The following TMEM260 variants were observed in gnomAD, a reference collection of about 807,000 sequenced individuals.
TMEM260 encodes protein O-mannosyl-transferase TMEM260.
A neutral mutation model predicts 88.9 loss-of-function variants in TMEM260; 82 were observed. The ratio of observed to expected loss-of-function variants is 0.92; its 90% CI spans 0.77 to 1.11. The LOEUF is 1.11. Among genes scored for constraint, TMEM260 ranks in the 50% least tolerant of loss-of-function variants. The pLI, the probability that TMEM260 is intolerant of heterozygous loss-of-function variation, is 0.00. For missense variants in TMEM260, 902 were observed against 853.4 expected (o/e 1.06, Z -0.71); for synonymous variants, 314 against 309.3 (o/e 1.02, Z -0.16).
chr14:56,650,719 AC>A (rs1890190245), downstream of TMEM260: 1 of 151,972 alleles, frequency 6.6e-6, no homozygotes, highest in Non-Finnish European at 1.5e-5. Flanking sequence ...TCTGCCGGTA[AC>A]TTTTAAGTCA....
rs151177058 is a variant in TMEM260, at chr14:56,617,184, G to A, written c.943G>A (p.Asp315Asn). 2.9e-5 allele frequency: 45 copies of A among 1,566,308 alleles called. No homozygotes were observed. The highest frequency in any genetic ancestry group is 1.8e-5 in the Non-Finnish European group (21 of 1,153,462). The change falls in exon 9 of 16, where the codon GAC becomes AAC. Residue 315 changes from aspartate (D) to asparagine (N), a missense_variant and splice_region_variant. Physicochemically the swap from Asp to Asn is conservative, Grantham distance 23. Transcript: ENST00000261556. ...VCANICLATK[D>N]RQNPSLVWLF... ...ACATATTTTTATTATTTTTTGTAGG[G>A]ACAGACAGAATCCATCATTAGTATG...
intron 13 of TMEM260, among the ~76,000 whole-genome samples, chr14:56,633,982 A>G (rs1888829545): frequency 1.3e-5 from 2 of 152,276 alleles, no homozygotes; most frequent in Admixed American, 6.5e-5. Context: ...ACATTGTTGT[A>G]TAACAGCCAG....
chr14:56,588,927 T>G (rs1885681821), intron 3 of TMEM260, among the ~76,000 whole-genome samples: 1 of 152,052 alleles, frequency 6.6e-6, no homozygotes, highest in Admixed American at 6.6e-5. Flanking sequence ...AGCATAATAT[T>G]TAAAATGCCC....
intron 14 of TMEM260, among the ~76,000 whole-genome samples, chr14:56,636,028 A>G (rs190483133): frequency 7.2e-4 from 109 of 152,220 alleles, no homozygotes; most frequent in African/African-American, 2.1e-3. Flanking sequence ...GAAATCACAT[A>G]AAAGAAGAAA....
At chr14:56,660,805 C>G in the TMEM260 span, among the ~76,000 whole-genome samples, 1 of 152,198 alleles carries the variant, frequency 6.6e-6, no homozygotes, top group Non-Finnish European at 1.5e-5. Context: ...GCTCTCTCTT[C>G]TCTACCTGTT....
chr14:56,628,616 G>C (rs891125242), intron 12 of TMEM260, among the ~76,000 whole-genome samples: 11 of 151,834 alleles, frequency 7.2e-5, no homozygotes, highest in Non-Finnish European at 1.6e-4. Flanking sequence ...ACTTTTCGCT[G>C]TCTATACAAA....
intron 6 of TMEM260, among the ~76,000 whole-genome samples, chr14:56,611,128 G>A (rs141691420): frequency 3.6e-4 from 54 of 151,830 alleles, no homozygotes; most frequent in Non-Finnish European, 3.7e-4. Flanking sequence ...CACCATGCCC[G>A]GCTAATTTTT....
rs79843062 is a variant in TMEM260, at chr14:56,602,344, T to C, written c.345-1471T>C. Among the ~76,000 whole-genome samples, 426 of 152,226 alleles carry C rather than the reference T, an allele frequency of 2.8e-3. 2 individuals are homozygous for C. The highest frequency in any genetic ancestry group is 4.6e-3 in the Non-Finnish European group (315 of 67,996). Reference sequence around the variant, plus strand: ...TAGTGCTAGGCATAGGCATGTCTTATTAGGAAATTTTGATGAGCCTGACTA... The same window carrying C: ...TAGTGCTAGGCATAGGCATGTCTTACTAGGAAATTTTGATGAGCCTGACTA... On this transcript the variant is annotated intron_variant, in intron 3 of 15. Transcript: ENST00000261556.
At chr14:56,620,844 C>T (rs1340748025) in intron 10 of TMEM260, among the ~76,000 whole-genome samples, 1 of 152,042 alleles carries the variant, frequency 6.6e-6, no homozygotes, top group Non-Finnish European at 1.5e-5. Flanking sequence ...TCATAGAATG[C>T]TGTCAGAATT....
intron 15 of TMEM260, among the ~76,000 whole-genome samples, chr14:56,640,909 G>C (rs1889540717): frequency 6.6e-6 from 1 of 152,130 alleles, no homozygotes; most frequent in African/African-American, 2.4e-5. Context: ...GATGGACAAT[G>C]AAATGAATGA....
At chr14:56,662,438 T>G in the TMEM260 span, among the ~76,000 whole-genome samples, 7 of 152,130 alleles carry the variant, frequency 4.6e-5, no homozygotes, top group African/African-American at 1.7e-4. Context: ...GGAAGCTCCC[T>G]AACAAGATGG....
the TMEM260 span, among the ~76,000 whole-genome samples, chr14:56,661,242 C>T: frequency 1.3e-5 from 2 of 152,218 alleles, no homozygotes; most frequent in African/African-American, 4.8e-5. Flanking sequence ...CTCCTAGACT[C>T]TGCCTCTCCT....
chr14:56,593,995 C>T (rs1886051694), intron 3 of TMEM260, among the ~76,000 whole-genome samples: 1 of 152,050 alleles, frequency 6.6e-6, no homozygotes, highest in Admixed American at 6.5e-5. Flanking sequence ...CCGTGAGTGT[C>T]TTTTATAATA....
chr14:56,594,919 T>G (rs1886112374), intron 3 of TMEM260, among the ~76,000 whole-genome samples: 1 of 152,212 alleles, frequency 6.6e-6, no homozygotes, highest in Admixed American at 6.5e-5. Context: ...GAAAAATTTT[T>G]TATAGAGTAT....
the TMEM260 span, among the ~76,000 whole-genome samples, chr14:56,657,990 TC>T: frequency 6.6e-6 from 1 of 152,242 alleles, no homozygotes; most frequent in African/African-American, 2.4e-5. Flanking sequence ...TTCCCACCTC[TC>T]CCACTGCCAC....
At chr14:56,622,550 T>A (rs1432973122) in intron 11 of TMEM260, among the ~76,000 whole-genome samples, 1 of 152,122 alleles carries the variant, frequency 6.6e-6, no homozygotes, top group African/African-American at 2.4e-5. Flanking sequence ...CTTAATGCTG[T>A]GACAAAAATA....
intron 3 of TMEM260, among the ~76,000 whole-genome samples, chr14:56,598,908 T>A (rs372809694): frequency 6.6e-6 from 1 of 152,208 alleles, no homozygotes; most frequent in Non-Finnish European, 1.5e-5. Flanking sequence ...ATTGAAAATC[T>A]TAGGATTTTG....
chr14:56,628,345 AT>A, intron 12 of TMEM260, among the ~76,000 whole-genome samples: 1 of 152,354 alleles, frequency 6.6e-6, no homozygotes, highest in Non-Finnish European at 1.5e-5. Flanking sequence ...CAGTTTGTAA[AT>A]ATTTTCTCGC....
chr14:56,596,411 TATATATATATATATACATACACACAC>T (rs1253495494), intron 3 of TMEM260, among the ~76,000 whole-genome samples: 2 of 126,576 alleles, frequency 1.6e-5, no homozygotes, highest in Non-Finnish European at 3.3e-5. Context: ...TGTGTGTATA[TATATATATATATATACATACACACAC>T]ATATACATAT....
Sources: allele counts gnomAD v4.1 joint callset (sites outside exome capture counted in the v4.1 genomes callset), GRCh38; gene constraint gnomAD v4.1.1; transcripts MANE v1.5; gene names NCBI Gene and HGNC (gene_info 2026-07-23, HGNC 2026-07-21).